SLC6A7: variants seen among roughly 807,000 people sequenced by gnomAD.
SLC6A7 encodes the protein solute carrier family 6 member 7.
In SLC6A7, 58 loss-of-function variants were observed where a neutral mutation model predicts 73.1. The observed-to-expected ratio is 0.79, with a 90% CI of 0.64 to 0.99. SLC6A7 has a LOEUF of 0.99. Among genes scored for constraint, SLC6A7 ranks in the 50% least tolerant of loss-of-function variants. SLC6A7 has a pLI of 0.00. For missense variants in SLC6A7, 783 were observed against 831.4 expected, an observed-to-expected ratio of 0.94 and a Z score of 0.72; for synonymous variants, 338 against 338.7, an observed-to-expected ratio of 1.00 and a Z score of 0.02.
chr5:150,204,753 TG>T, intron 11 of SLC6A7, 73 bp from the exon 12 acceptor site: 1 of 1,351,326 alleles, frequency 7.4e-7, no homozygotes, highest in South Asian at 1.2e-5. Context: ...TGGGGGCAGC[TG>T]GGGTAGAGGA....
intron 13 of SLC6A7, among the ~76,000 whole-genome samples, chr5:150,206,428 G>A (rs933520081): frequency 3.3e-5 from 5 of 152,168 alleles, no homozygotes; most frequent in African/African-American, 9.7e-5. Flanking sequence ...TTGGTAGCTA[G>A]GAATTGGCAA....
At chr5:150,201,947 T>A (rs1254309035) in intron 6 of SLC6A7, among the ~76,000 whole-genome samples, 1 of 152,200 alleles carries the variant, frequency 6.6e-6, no homozygotes, top group African/African-American at 2.4e-5. Flanking sequence ...TTGTTCAGGC[T>A]GCACAGCTAG....
At chr5:150,202,199 G>A in intron 6 of SLC6A7, 148 bp from the exon 7 acceptor site, 1 of 641,892 alleles carries the variant, frequency 1.6e-6, no homozygotes, top group East Asian at 2.7e-5. Context: ...TTTGCTCCTG[G>A]TCCACGTCAC....
chr5:150,202,409 C>A lies in SLC6A7; in HGVS notation c.921C>A (p.Leu307=), dbSNP rs151201537. The stretch of plus-strand genomic sequence containing the variant: ...TGGGTGTGGGCTTCGGGGGGCTCCT[C>A]ACCTTTGCCTCCTACAACACGTTTC... The part of the protein sequence containing the change: ...YSLGVGFGGL[L]TFASYNTFHQ... Residue 307 remains leucine, a synonymous_variant, in exon 7 of 14, where the codon CTC becomes CTA. Transcript: ENST00000230671. The A allele has an allele frequency of 2.5e-6, 4 of 1,614,134 alleles. No homozygotes were observed. Among genetic ancestry groups the A allele is most frequent in the Non-Finnish European group, 3.4e-6 (4 of 1,179,972 alleles).
chr5:150,206,283 T>C (rs1482048643), intron 13 of SLC6A7, among the ~76,000 whole-genome samples: 1 of 152,138 alleles, frequency 6.6e-6, no homozygotes, highest in Non-Finnish European at 1.5e-5. Context: ...GCAGCTTTAG[T>C]GAGCCCGATG....
Position 150,209,437 on chromosome 5 carries a change from A to G in SLC6A7, c.1733A>G (p.Asp578Gly), listed in dbSNP as rs1238275380. Residue 578 changes from aspartate (D) to glycine (G), a missense_variant, in exon 14 of 14, where the codon GAC (aspartate) becomes GGC (glycine). By Grantham distance (94) the Asp-to-Gly change is moderately conservative (BLOSUM62 -1). Coordinates refer to ENST00000230671, the MANE Select transcript of SLC6A7 (RefSeq NM_014228.5). ...RLQQASRPAM[D>G]WGPSLEENRT... ...CAACAGGCCAGCCGGCCGGCCATGG[A>G]CTGGGGACCATCGCTGGAGGAGAAC... 6.2e-7 allele frequency: 1 copy of G among 1,613,726 alleles called. No homozygotes were observed. The highest frequency in any genetic ancestry group is 2.2e-5 in the East Asian group (1 of 44,894).
chr5:150,197,244 C>A lies in SLC6A7; in HGVS notation c.552C>A (p.Thr184=). The part of the protein sequence containing the change: ...DGNGALPLNL[T]CTVSPSEEYW... ...ACGGGGCCCTGCCCCTCAACCTCAC[C>A]TGCACCGTCAGCCCCAGCGAGGAGT... The change falls in exon 4 of 14, where the codon ACC becomes ACA. Residue 184 remains threonine, a synonymous_variant. Coordinates refer to ENST00000230671, the MANE Select transcript of SLC6A7 (RefSeq NM_014228.5). The A allele has an allele frequency of 6.2e-7, 1 of 1,612,360 alleles. No individual in the cohort carries two copies. Among genetic ancestry groups the A allele is most frequent in the Non-Finnish European group, 8.5e-7 (1 of 1,179,148 alleles).
Position 150,194,867 on chromosome 5 carries a change from G to C in SLC6A7, c.173G>C (p.Gly58Ala). The change falls in exon 2 of 14, where the codon GGG becomes GCG. Residue 58 changes from glycine (G) to alanine (A), a missense_variant. Physicochemically the swap from Gly to Ala is moderately conservative, Grantham distance 60 (BLOSUM62 0). Transcript: ENST00000230671. ...TGCATTGGCTACTGTGTAGGCCTGGGGAATGTCTGGCGCTTCCCCTATCGA... is the reference window on the plus strand; with the variant it reads ...TGCATTGGCTACTGTGTAGGCCTGGCGAATGTCTGGCGCTTCCCCTATCGA... Reference protein sequence around the residue: ...LSCIGYCVGLGNVWRFPYRAY... With the variant: ...LSCIGYCVGLANVWRFPYRAY... 6.2e-7 allele frequency: 1 copy of C among 1,614,150 alleles called. No homozygotes were observed. Among genetic ancestry groups the C allele is most frequent in the South Asian group, 1.1e-5 (1 of 91,078 alleles).
intron 10 of SLC6A7, among the ~76,000 whole-genome samples, chr5:150,204,266 G>A (rs1219245042): frequency 6.6e-6 from 1 of 152,214 alleles, no homozygotes; most frequent in Admixed American, 6.5e-5. Flanking sequence ...CCTGACTCCT[G>A]CACTTGCTGA....
intron 2 of SLC6A7, among the ~76,000 whole-genome samples, chr5:150,195,531 A>G (rs545028510): frequency 6.6e-6 from 1 of 152,218 alleles, no homozygotes; most frequent in African/African-American, 2.4e-5. Context: ...AACCCTGGTG[A>G]TGACCCTATT....
chr5:150,194,985 G>A (rs745339611), intron 2 of SLC6A7, 74 bp downstream of exon 2: 4 of 1,380,554 alleles, frequency 2.9e-6, no homozygotes, highest in Non-Finnish European at 4.0e-6. Flanking sequence ...GAGCTTTTAG[G>A]TGGCCTCAGC....
chr5:150,209,648 G>T lies in SLC6A7; in HGVS notation c.*33G>T. On this transcript the variant is annotated 3_prime_UTR_variant, in exon 14 of 14. Coordinates refer to ENST00000230671, the MANE Select transcript of SLC6A7 (RefSeq NM_014228.5). ...GGCAGGCGGGCAGAAGGCCCTGCCCGGGACCTCACAGTCCCTTCTTAGAAG... is the reference window on the plus strand; with the variant it reads ...GGCAGGCGGGCAGAAGGCCCTGCCCTGGACCTCACAGTCCCTTCTTAGAAG... The T allele has an allele frequency of 6.6e-7, 1 of 1,510,178 alleles. No homozygotes were observed. The highest frequency in any genetic ancestry group is 1.2e-5 in the South Asian group (1 of 84,184). The allele number at this position is 1,510,178 out of a possible 1,614,324, so 93.5% of individuals were successfully genotyped here.
intron 13 of SLC6A7, among the ~76,000 whole-genome samples, chr5:150,206,658 C>T (rs944342950): frequency 6.6e-6 from 1 of 152,220 alleles, no homozygotes; most frequent in South Asian, 2.1e-4. Context: ...ACAGGGGCAC[C>T]CTGGAGTCTA....
chr5:150,196,731 C>T lies in SLC6A7; in HGVS notation c.233C>T (p.Pro78Leu). The T allele has an allele frequency of 6.2e-7, 1 of 1,613,846 alleles. No individual in the cohort carries two copies. The highest frequency in any genetic ancestry group is 8.5e-7 in the Non-Finnish European group (1 of 1,179,826). ...CTCCCGGCAGGCGCCTTCCTCGTGC[C>T]CTACTTCCTCATGCTGGCCATCTGT... ...YTNGGGAFLV[P>L]YFLMLAICGI... The change falls in exon 3 of 14, where the codon CCC becomes CTC. Residue 78 changes from proline (P) to leucine (L), a missense_variant. Physicochemically the swap from Pro to Leu is moderately conservative, Grantham distance 98 (BLOSUM62 -3). Coordinates refer to ENST00000230671, the MANE Select transcript of SLC6A7 (RefSeq NM_014228.5).
At chr5:150,204,096 C>G in intron 10 of SLC6A7, 58 bp downstream of exon 10, 2 of 1,543,452 alleles carry the variant, frequency 1.3e-6, no homozygotes, top group Non-Finnish European at 1.8e-6. Context: ...ACGCCTGCAA[C>G]GAGATCTCTG....
In SLC6A7 at chr5:150,194,769, C is replaced by A; in HGVS notation, c.75C>A (p.Gly25=). ...TGCTGATGACCCCCAGTGACCAGGG[C>A]GATGTCGACCTGGATGTGGACTTTG... ...PDLLMTPSDQ[G]DVDLDVDFAA... The change falls in exon 2 of 14, where the codon GGC becomes GGA. Residue 25 remains glycine (G), a synonymous_variant. Coordinates refer to ENST00000230671, the MANE Select transcript of SLC6A7 (RefSeq NM_014228.5). The A allele has an allele frequency of 6.2e-7, 1 of 1,614,056 alleles. No individual in the cohort carries two copies. Among genetic ancestry groups the A allele is most frequent in the Non-Finnish European group, 8.5e-7 (1 of 1,179,974 alleles).
Position 150,202,337 on chromosome 5 carries a change from C to G in SLC6A7, c.859-10C>G. The G allele has an allele frequency of 1.9e-6, 3 of 1,599,802 alleles. No homozygotes were observed. Among genetic ancestry groups the G allele is most frequent in the Non-Finnish European group, 2.6e-6 (3 of 1,167,036 alleles). The stretch of plus-strand genomic sequence containing the variant: ...CCGCACACCCTCCCTTTCCATCCTT[C>G]CCGGCACAGGTGTGGATTGAAGCTG... On this transcript the variant is annotated splice_polypyrimidine_tract_variant and intron_variant, in intron 6 of 13. Transcript: ENST00000230671.
At chr5:150,199,435 C>T (rs1753256412) in intron 5 of SLC6A7, 69 bp downstream of exon 5, 1 of 1,177,416 alleles carries the variant, frequency 8.5e-7, no homozygotes, top group East Asian at 2.4e-5. Flanking sequence ...GAAGGCAGGG[C>T]TTGGACTGAG....
In SLC6A7 at chr5:150,204,633, TGA is replaced by T. The variant is rs1435044084; in HGVS notation, c.1432+5_1432+6del. 5 of 1,602,088 alleles carry T rather than the reference TGA, an allele frequency of 3.1e-6. No homozygotes were observed. The highest frequency in any genetic ancestry group is 4.3e-6 in the Non-Finnish European group (5 of 1,169,064). On this transcript the variant is annotated splice_donor_region_variant and intron_variant, in intron 11 of 13. Transcript: ENST00000230671. Reference sequence around the variant, plus strand: ...GCCTTGCCGTGACACGGGTGTATGGTGAGAAGAGCCGTGGGAAGTGGAGTCGA... The same window carrying T: ...GCCTTGCCGTGACACGGGTGTATGGTGAAGAGCCGTGGGAAGTGGAGTCGA...
Sources: gnomAD v4.1 joint callset for allele counts (sites outside exome capture counted in the v4.1 genomes callset) on GRCh38, gnomAD v4.1.1 for gene constraint, MANE v1.5 for transcripts, NCBI Gene and HGNC (gene_info 2026-07-23, HGNC 2026-07-21) for gene names.